Variants in AFF1 observed in about 807,000 individuals in gnomAD.
The protein encoded by AFF1 is ALF transcription elongation factor 1.
AFF1 carries 48 observed loss-of-function variants against 121.7 expected under a neutral mutation model. The ratio of observed to expected loss-of-function variants is 0.39; its 90% confidence interval spans 0.31 to 0.50. AFF1 has a LOEUF of 0.50. Among genes scored for constraint, AFF1 ranks in the 20% least tolerant of loss-of-function variants. AFF1 has a pLI of 0.76. For missense variants in AFF1, 1,523 were observed against 1,511.7 expected, an observed-to-expected ratio of 1.01 and a Z score of -0.12; for synonymous variants, 613 against 563.0, an observed-to-expected ratio of 1.09 and a Z score of -1.26.
At chr4:86,997,205 C>T (rs1725285474) in intron 2 of AFF1, among the ~76,000 whole-genome samples, 1 of 152,118 alleles carries the variant, frequency 6.6e-6, no homozygotes, top group South Asian at 2.1e-4. Context: ...AGCCACCACG[C>T]TTGGCCTGAA....
chr4:87,123,094 A>G (rs1035083486), intron 12 of AFF1, among the ~76,000 whole-genome samples: 6 of 152,030 alleles, frequency 3.9e-5, no homozygotes, highest in African/African-American at 7.2e-5. Context: ...GAGTTTCACA[A>G]TGTTGGCCAG....
At chr4:87,117,387 C>T (rs188221649) in intron 12 of AFF1, among the ~76,000 whole-genome samples, 4 of 152,296 alleles carry the variant, frequency 2.6e-5, no homozygotes, top group Non-Finnish European at 4.4e-5. Context: ...AGTCTGCCTC[C>T]GTGGTACTGT....
chr4:87,122,865 G>T (rs1458367491), intron 12 of AFF1, among the ~76,000 whole-genome samples: 1 of 115,218 alleles, frequency 8.7e-6, no homozygotes, highest in Non-Finnish European at 1.7e-5. Flanking sequence ...TAAAAGGGGA[G>T]GAAATGGAAA....
chr4:86,967,754 GGGAAA>G (rs2149475597), intron 2 of AFF1, among the ~76,000 whole-genome samples: 1 of 152,202 alleles, frequency 6.6e-6, no homozygotes, highest in Non-Finnish European at 1.5e-5. Flanking sequence ...GCTGAAAGAT[GGGAAA>G]GACTGAGAGT....
intron 5 of AFF1, among the ~76,000 whole-genome samples, chr4:87,086,578 C>G (rs1723756053): frequency 6.6e-6 from 1 of 152,256 alleles, no homozygotes. Flanking sequence ...GGCCATAGGC[C>G]TTTTCATATT....
chr4:87,097,443 G>T (rs986724129), intron 8 of AFF1, among the ~76,000 whole-genome samples: 1 of 152,232 alleles, frequency 6.6e-6, no homozygotes, highest in Non-Finnish European at 1.5e-5. Context: ...ACTGCTCAGT[G>T]AAATGAGTGG....
At chr4:87,134,190 A>G (rs1729097448) in intron 19 of AFF1, among the ~76,000 whole-genome samples, 1 of 152,226 alleles carries the variant, frequency 6.6e-6, no homozygotes, top group Non-Finnish European at 1.5e-5. Flanking sequence ...ACACATACCT[A>G]CATATGCATA....
intron 10 of AFF1, 22 bp downstream of exon 10, chr4:87,105,867 A>T (rs1459649709): frequency 6.2e-7 from 1 of 1,613,548 alleles, no homozygotes; most frequent in Non-Finnish European, 8.5e-7. Flanking sequence ...GTTTCTCCCC[A>T]TCTGTACAGA....
In AFF1 at chr4:86,980,226, C is replaced by G. The variant is rs115054942; in HGVS notation, c.38+31655C>G. Reference sequence around the variant, plus strand: ...GCACCTGGCCCCTAGGAATCTAACTCTAAGATACACTGGCAAAATATGAAA... The same window carrying G: ...GCACCTGGCCCCTAGGAATCTAACTGTAAGATACACTGGCAAAATATGAAA... On this transcript the variant is annotated intron_variant, in intron 2 of 20. Transcript: ENST00000395146. 3.5e-3 allele frequency among the ~76,000 whole-genome samples: 534 copies of G among 152,182 alleles called. 1 individual carries two copies. Among genetic ancestry groups the G allele is most frequent in the African/African-American group, 0.012 (498 of 41,520 alleles).
At chr4:87,070,366 T>C (rs1721905662) in intron 4 of AFF1, among the ~76,000 whole-genome samples, 1 of 152,234 alleles carries the variant, frequency 6.6e-6, no homozygotes, top group Non-Finnish European at 1.5e-5. Context: ...CTCGAACTCC[T>C]GACCTTGTGA....
chr4:87,088,400 A>G (rs1723947324), intron 5 of AFF1, among the ~76,000 whole-genome samples: 2 of 152,212 alleles, frequency 1.3e-5, no homozygotes, highest in Non-Finnish European at 2.9e-5. Flanking sequence ...GGGGAAGGGC[A>G]ACGGGAGACC....
chr4:86,991,567 A>T (rs1426081742), intron 2 of AFF1, among the ~76,000 whole-genome samples: 1 of 152,210 alleles, frequency 6.6e-6, no homozygotes, highest in Non-Finnish European at 1.5e-5. Flanking sequence ...AAATCGCTTT[A>T]TAGTCACAAA....
At chr4:87,083,468 T>C (rs1031277365) in intron 4 of AFF1, among the ~76,000 whole-genome samples, 1 of 152,234 alleles carries the variant, frequency 6.6e-6, no homozygotes, top group Non-Finnish European at 1.5e-5. Context: ...TGAAGAGTTA[T>C]CCTTGATTGG....
At chr4:87,020,706 A>G in intron 2 of AFF1, 1 of 696,088 alleles carries the variant, frequency 1.4e-6, no homozygotes. Flanking sequence ...GGATGTTCTC[A>G]GTCTCCTGAC....
At chr4:86,951,921 T>A (rs1578835754) in intron 2 of AFF1, among the ~76,000 whole-genome samples, 1 of 95,464 alleles carries the variant, frequency 1.0e-5, no homozygotes, top group Non-Finnish European at 2.6e-5. Flanking sequence ...GCTGGGAACC[T>A]TTTTTTTTTT....
At chr4:87,045,871 G>C (rs767024742) in intron 2 of AFF1, among the ~76,000 whole-genome samples, 2 of 152,064 alleles carry the variant, frequency 1.3e-5, no homozygotes, top group Non-Finnish European at 2.9e-5. Context: ...TTCCACTGCT[G>C]CCTATAAAAG....
intron 2 of AFF1, among the ~76,000 whole-genome samples, chr4:86,986,680 C>G (rs536751507): frequency 6.6e-6 from 1 of 151,916 alleles, no homozygotes; most frequent in African/African-American, 2.4e-5. Flanking sequence ...ACATATCAAC[C>G]CTTAATAAAA....
intron 7 of AFF1, among the ~76,000 whole-genome samples, chr4:87,093,990 TTGA>T (rs1330727054): frequency 8.5e-5 from 13 of 152,186 alleles, no homozygotes; most frequent in African/African-American, 3.1e-4. Flanking sequence ...GTTTAGATCA[TTGA>T]TGTGTCTCAT....
At chr4:87,052,512 G>A (rs932166628) in intron 4 of AFF1, among the ~76,000 whole-genome samples, 1 of 152,152 alleles carries the variant, frequency 6.6e-6, no homozygotes, top group African/African-American at 2.4e-5. Context: ...GATGGAACTG[G>A]CGACATAGGC....
Sources: allele counts gnomAD v4.1 joint callset (sites outside exome capture counted in the v4.1 genomes callset), GRCh38; gene constraint gnomAD v4.1.1; transcripts MANE v1.5; gene names NCBI Gene and HGNC (gene_info 2026-07-23, HGNC 2026-07-21).